The following MYO7A variants were observed in gnomAD, a reference collection of about 807,000 sequenced individuals.
The protein encoded by MYO7A is unconventional myosin-VIIa.
Under a neutral mutation model 263.8 loss-of-function variants are expected in MYO7A, and 210 were observed. The observed-to-expected ratio is 0.80, with a 90% CI of 0.71 to 0.89. The LOEUF (loss-of-function observed/expected upper bound fraction) is 0.89, where lower values mean the gene tolerates loss of function less well. MYO7A is among the 40% of genes least tolerant of loss of function. The probability of loss-of-function intolerance (pLI) is 0.00; values close to 1 mark genes in which losing one functional copy is unlikely to be tolerated. For missense variants in MYO7A, 2,820 were observed against 2,968.3 expected (o/e 0.95, Z 1.16); for synonymous variants, 1,239 against 1,197.3 (o/e 1.03, Z -0.72).
intron 25 of MYO7A, 134 bp from the exon 26 acceptor site, chr11:77,182,934 G>T (rs1372258882): frequency 2.5e-6 from 2 of 805,020 alleles, no homozygotes; most frequent in African/African-American, 3.4e-5. Flanking sequence ...TGAGCAGGTG[G>T]ACGGTGGCAG....
intron 3 of MYO7A, among the ~76,000 whole-genome samples, chr11:77,146,160 G>A (rs1410301713): frequency 6.6e-6 from 1 of 152,228 alleles, no homozygotes; most frequent in Non-Finnish European, 1.5e-5. Flanking sequence ...GGAGAAAGAA[G>A]GTAGAGGGAA....
chr11:77,189,273 C>T (rs1591408473), intron 27 of MYO7A, 71 bp from the exon 28 acceptor site: 1 of 1,592,662 alleles, frequency 6.3e-7, no homozygotes, highest in Non-Finnish European at 8.5e-7. Context: ...CCACTGGCTG[C>T]TAGGAGGAGG....
intron 38 of MYO7A, 147 bp from the exon 39 acceptor site, chr11:77,203,929 G>T: frequency 3.4e-6 from 3 of 870,800 alleles, no homozygotes; most frequent in Non-Finnish European, 5.2e-6. Flanking sequence ...GAGAGGGTGG[G>T]GCAGATCATG....
chr11:77,136,286 A>G (rs1380472681), intron 2 of MYO7A, among the ~76,000 whole-genome samples: 4 of 152,244 alleles, frequency 2.6e-5, no homozygotes, highest in Non-Finnish European at 4.4e-5. Flanking sequence ...TTCGTTGTAT[A>G]GAATGAGTCA....
chr11:77,162,411 T>C, intron 13 of MYO7A, 81 bp downstream of exon 13: 1 of 1,354,144 alleles, frequency 7.4e-7, no homozygotes, highest in Non-Finnish European at 1.0e-6. Flanking sequence ...GCTTTCCTCA[T>C]CTGCAAAATA....
intron 26 of MYO7A, 87 bp from the exon 27 acceptor site, chr11:77,184,501 G>C: frequency 8.6e-7 from 1 of 1,167,390 alleles, no homozygotes; most frequent in Non-Finnish European, 1.2e-6. Context: ...CTGTTTTCTG[G>C]GGAGCAGGCA....
intron 3 of MYO7A, among the ~76,000 whole-genome samples, chr11:77,144,769 G>T (rs1951450732): frequency 3.3e-5 from 5 of 152,176 alleles, no homozygotes; most frequent in Admixed American, 3.3e-4. Flanking sequence ...GCTGAGTGAT[G>T]AATGAAAGGT....
intron 4 of MYO7A, 56 bp from the exon 5 acceptor site, chr11:77,155,851 A>G (rs1952409842): frequency 6.7e-7 from 1 of 1,489,148 alleles, no homozygotes; most frequent in East Asian, 2.5e-5. Context: ...AGAGCTTTCT[A>G]GAGTCAGAGT....
chr11:77,172,904 G>A lies in MYO7A; in HGVS notation c.1935+19G>A. On this transcript the variant is annotated intron_variant, in intron 16 of 48. Transcript: ENST00000409709. Reference sequence around the variant, plus strand: ...GCCCATGGTGAGTGGCCCTGGCCTGGGGTTGGCGGGTGGCGGCTAGGGTGA... The same window carrying A: ...GCCCATGGTGAGTGGCCCTGGCCTGAGGTTGGCGGGTGGCGGCTAGGGTGA... 1 of 1,540,128 alleles carries A rather than the reference G, an allele frequency of 6.5e-7. No individual in the cohort carries two copies. Among genetic ancestry groups the A allele is most frequent in the Non-Finnish European group, 8.8e-7 (1 of 1,137,952 alleles).
At position 77,185,048 on chromosome 11, in the gene MYO7A, A is replaced by T. The variant is rs193060113; in HGVS notation, c.3503+333A>T. The stretch of plus-strand genomic sequence containing the variant: ...TCATATTTATACTATACTATAGTCT[A>T]TGAAGTATGAAATAGCATTATGTCT... On this transcript the variant is annotated intron_variant, in intron 27 of 48. Coordinates refer to ENST00000409709, the MANE Select transcript of MYO7A (RefSeq NM_000260.4). 342 of 446,914 alleles carry T rather than the reference A, an allele frequency of 7.7e-4. 1 individual carries two copies. Among genetic ancestry groups the T allele is most frequent in the African/African-American group, 6.4e-3 (321 of 50,392 alleles). The allele number at this position is 446,914 out of a possible 1,614,324, so 27.7% of individuals were successfully genotyped here.
At chr11:77,151,797 G>A (rs1387419571) in intron 4 of MYO7A, among the ~76,000 whole-genome samples, 1 of 152,238 alleles carries the variant, frequency 6.6e-6, no homozygotes, top group Non-Finnish European at 1.5e-5. Context: ...GAGGGCCAGG[G>A]CCTCATTGCC....
intron 27 of MYO7A, among the ~76,000 whole-genome samples, chr11:77,185,760 T>G (rs1386353741): frequency 1.4e-4 from 22 of 152,336 alleles, no homozygotes; most frequent in African/African-American, 5.3e-4. Context: ...CCATTGATTT[T>G]GCCCAGATCC....
chr11:77,192,194 C>G lies in MYO7A; in HGVS notation c.4068C>G (p.Ser1356Arg), dbSNP rs932299310. 1.9e-6 allele frequency: 3 copies of G among 1,613,946 alleles called. No homozygotes were observed. The African/African-American group carries it at 4.0e-5, about 22-fold the overall frequency. ...FRKEVFTPWHSPSEDNVATNL... is the reference protein window; with the variant it reads ...FRKEVFTPWHRPSEDNVATNL... ...AAGAGGTCTTCACGCCCTGGCACAG[C>G]CCCTCCGAGGACAACGTGGCCACCA... The change falls in exon 31 of 49, where the codon AGC (serine) becomes AGG (arginine). Residue 1356 changes from serine to arginine, a missense_variant. Physicochemically the swap from Ser to Arg is moderately radical, Grantham distance 110. Transcript: ENST00000409709.
chr11:77,159,321 T>G, intron 9 of MYO7A, 126 bp from the exon 10 acceptor site: 2 of 773,602 alleles, frequency 2.6e-6, no homozygotes, highest in Admixed American at 4.2e-5. Flanking sequence ...GTCACAATGC[T>G]GATGCCCTCC....
At chr11:77,179,223 A>T in intron 20 of MYO7A, 94 bp downstream of exon 20, 5 of 1,152,326 alleles carry the variant, frequency 4.3e-6, no homozygotes, top group Non-Finnish European at 6.2e-6. Context: ...CAGGCAGCAC[A>T]GCCTGGCCTC....
chr11:77,169,562 C>T (rs782181905), intron 15 of MYO7A, among the ~76,000 whole-genome samples: 10 of 152,182 alleles, frequency 6.6e-5, no homozygotes, highest in Admixed American at 1.3e-4. Flanking sequence ...ACCCCATCCC[C>T]ATCTGCAGAT....
In MYO7A at chr11:77,180,402, T is replaced by C. The variant is rs1555083353; in HGVS notation, c.2615T>C (p.Met872Thr). 2 of 1,612,332 alleles carry C rather than the reference T, an allele frequency of 1.2e-6. No individual in the cohort carries two copies. Among genetic ancestry groups the C allele is most frequent in the Non-Finnish European group, 1.7e-6 (2 of 1,179,720 alleles). The change falls in exon 22 of 49, where the codon ATG (methionine) becomes ACG (threonine). Residue 872 changes from methionine (M) to threonine (T), a missense_variant. Physicochemically the swap from Met to Thr is moderately conservative, Grantham distance 81. Coordinates refer to ENST00000409709, the MANE Select transcript of MYO7A (RefSeq NM_000260.4). ...EYLWRLEAEK[M>T]RLAEEEKLRK... ...CTGTGGCGCCTCGAGGCTGAGAAAA[T>C]GCGGCTGGCGGAGGAAGAGAAGCTT...
At chr11:77,212,324 G>A (rs1957946089) in intron 46 of MYO7A, 5 of 384,910 alleles carry the variant, frequency 1.3e-5, no homozygotes, top group Non-Finnish European at 2.6e-5. Context: ...GCTCCTGGCA[G>A]GGGTCCCACA....
chr11:77,190,476 C>A (rs1591415061), intron 29 of MYO7A, among the ~76,000 whole-genome samples: 3 of 152,298 alleles, frequency 2.0e-5, no homozygotes, highest in African/African-American at 7.2e-5. Context: ...GACCTCTCAG[C>A]CCCAGGCCCT....
Sources: gnomAD v4.1 joint callset for allele counts (sites outside exome capture counted in the v4.1 genomes callset) on GRCh38, gnomAD v4.1.1 for gene constraint, MANE v1.5 for transcripts, NCBI Gene and HGNC (gene_info 2026-07-23, HGNC 2026-07-21) for gene names.